HECTD4: variants seen among roughly 807,000 people sequenced by gnomAD.
HECTD4 encodes the protein probable E3 ubiquitin-protein ligase HECTD4.
A neutral mutation model predicts 471.5 loss-of-function variants in HECTD4; 114 were observed. The ratio of observed to expected loss-of-function variants is 0.24; its 90% CI spans 0.21 to 0.28. The LOEUF is 0.28. Ranked by LOEUF, HECTD4 falls within the 10% of genes least tolerant of loss-of-function variation. The pLI, the probability that HECTD4 is intolerant of heterozygous loss-of-function variation, is 1.00. For synonymous variants in HECTD4, 2,012 were observed against 2,256.0 expected, an observed-to-expected ratio of 0.89 and a Z score of 3.07; for missense variants, 3,866 against 5,651.5, an observed-to-expected ratio of 0.68 and a Z score of 10.13.
Position 112,256,376 on chromosome 12 carries a change from G to A in HECTD4, c.3271C>T (p.Arg1091Cys). Residue 1091 changes from arginine to cysteine, a missense_variant, in exon 21 of 76, where the codon CGC (arginine) becomes TGC (cysteine). Around this residue, in one of 16 missense-constraint regions of HECTD4, gnomAD observed 281 missense variants for 499.9 expected, o/e 0.56. Coordinates refer to ENST00000682272, the MANE Select transcript of HECTD4 (RefSeq NM_001388303.1). ...FKETVHIPGARCLYLRFDSRC... is the reference protein window; with the variant it reads ...FKETVHIPGACCLYLRFDSRC... Reference sequence around the variant, plus strand: ...CTATCAAATCTAAGGTACAGGCAGCGAGCTCCTGGGATATGGACCGTTTCT... The same window carrying A: ...CTATCAAATCTAAGGTACAGGCAGCAAGCTCCTGGGATATGGACCGTTTCT... 3 of 1,611,954 alleles carry A rather than the reference G, an allele frequency of 1.9e-6. No individual in the cohort carries two copies. The highest frequency in any genetic ancestry group is 1.7e-6 in the Non-Finnish European group (2 of 1,179,040).
At chr12:112,253,157 T>G (rs777578599) in intron 22 of HECTD4, among the ~76,000 whole-genome samples, 1 of 150,702 alleles carries the variant, frequency 6.6e-6, no homozygotes, top group Non-Finnish European at 1.5e-5. Context: ...TGGAGTTTCG[T>G]TCTGTCACCC....
intron 7 of HECTD4, among the ~76,000 whole-genome samples, chr12:112,297,518 T>A (rs1284044558): frequency 6.6e-6 from 1 of 151,936 alleles, no homozygotes; most frequent in African/African-American, 2.4e-5. Flanking sequence ...GAGCAGACAG[T>A]ATTTGCTGAC....
intron 67 of HECTD4, among the ~76,000 whole-genome samples, chr12:112,171,538 C>T (rs1415490009): frequency 6.6e-6 from 1 of 152,202 alleles, no homozygotes; most frequent in Admixed American, 6.5e-5. Context: ...CAGGGCTGTG[C>T]ACTACGTTAG....
At chr12:112,322,402 A>G (rs1237650304) in intron 1 of HECTD4, 1 of 152,716 alleles carries the variant, frequency 6.5e-6, no homozygotes, top group Non-Finnish European at 1.5e-5. Flanking sequence ...TGATGCAAGT[A>G]GAAAAACTTT....
intron 1 of HECTD4, among the ~76,000 whole-genome samples, chr12:112,378,870 C>T (rs537772082): frequency 2.6e-5 from 4 of 152,152 alleles, no homozygotes; most frequent in East Asian, 3.9e-4. Flanking sequence ...GGTGAAACCC[C>T]GTCTCTACTA....
chr12:112,359,045 G>A (rs1377063792), intron 1 of HECTD4, among the ~76,000 whole-genome samples: 4 of 152,036 alleles, frequency 2.6e-5, no homozygotes, highest in Non-Finnish European at 4.4e-5. Flanking sequence ...GTGTGGTGGC[G>A]GATGCCTGTA....
rs572269777 is a variant in HECTD4, at chr12:112,204,164, T to C, written c.8269+322A>G. Among the ~76,000 whole-genome samples, 3 of 152,354 alleles carry C rather than the reference T, an allele frequency of 2.0e-5. No individual in the cohort carries two copies. In the South Asian group the frequency reaches 6.2e-4, roughly 32 times the overall value. ...TTCAAGTGATTCTCCTGCCTCAGCCTCTAGAGTAGCTGGGATTACAGGCGT... is the reference window on the plus strand; with the variant it reads ...TTCAAGTGATTCTCCTGCCTCAGCCCCTAGAGTAGCTGGGATTACAGGCGT... On this transcript the variant is annotated intron_variant, in intron 53 of 75. Transcript: ENST00000682272.
intron 6 of HECTD4, among the ~76,000 whole-genome samples, chr12:112,306,576 T>A (rs1224209165): frequency 6.6e-6 from 1 of 152,234 alleles, no homozygotes; most frequent in Non-Finnish European, 1.5e-5. Context: ...AAACAAAGTT[T>A]TAGAGAAGCA....
chr12:112,343,023 A>C (rs1156566903), intron 1 of HECTD4, among the ~76,000 whole-genome samples: 3 of 152,168 alleles, frequency 2.0e-5, no homozygotes, highest in Admixed American at 6.5e-5. Context: ...AAATGAAACA[A>C]GTTTCCTTCT....
rs1156626575 is a variant in HECTD4 at position 112,173,673 on chromosome 12, C to A, written c.11595-812G>T. Among the ~76,000 whole-genome samples the A allele has an allele frequency of 6.6e-6, 1 of 151,954 alleles. No individual in the cohort carries two copies. Among genetic ancestry groups the A allele is most frequent in the East Asian group, 1.9e-4 (1 of 5,150 alleles). On this transcript the variant is annotated intron_variant, in intron 66 of 75. Coordinates refer to ENST00000682272, the MANE Select transcript of HECTD4 (RefSeq NM_001388303.1). The surrounding 1 kb of genome is among the most constrained non-coding windows in gnomAD (Gnocchi z 4.3). ...CCTCCCAAAGTGCTGCGATTACAGG[C>A]GTGAGCCAATGCGCCCGGCCAATTT...
chr12:112,354,045 G>GAAT (rs945755744), intron 1 of HECTD4, among the ~76,000 whole-genome samples: 14 of 151,760 alleles, frequency 9.2e-5, no homozygotes, highest in Non-Finnish European at 1.2e-4. Context: ...CTACCTCTAA[G>GAAT]AATAATAATA....
At chr12:112,195,157 C>A (rs913249252) in intron 55 of HECTD4, 91 bp from the exon 56 acceptor site, 4 of 1,156,760 alleles carry the variant, frequency 3.5e-6, no homozygotes, top group Non-Finnish European at 4.8e-6. Flanking sequence ...GGAAAAGGAT[C>A]CTGCCTCAGG....
Position 112,163,516 on chromosome 12 carries a change from G to A in HECTD4, c.12897+26C>T, listed in dbSNP as rs1022679472. ...CACGCCTGGGGCTCACCACCTCCCC[G>A]CCCAGCCTGGCCCTGGGATGTCTAC... On this transcript the variant is annotated intron_variant, in intron 74 of 75. Coordinates refer to ENST00000682272, the MANE Select transcript of HECTD4 (RefSeq NM_001388303.1). This position sits in a 1 kb window ranked among gnomAD's most constrained non-coding sequence, Gnocchi z 8.2. The A allele has an allele frequency of 6.2e-6, 9 of 1,447,092 alleles. No individual in the cohort carries two copies. In the East Asian group the frequency reaches 7.6e-5, roughly 12 times the overall value. The allele number at this position is 1,447,092 out of a possible 1,614,324, so 89.6% of individuals were successfully genotyped here.
At position 112,243,078 on chromosome 12, in the gene HECTD4, T is replaced by A. The variant is rs2033679014; in HGVS notation, c.4958+275A>T. Reference sequence around the variant, plus strand: ...ATTTACACACAAACACAGTTATGTGTACAAAAAGAATTATACAGCTGCTTA... The same window carrying A: ...ATTTACACACAAACACAGTTATGTGAACAAAAAGAATTATACAGCTGCTTA... On this transcript the variant is annotated intron_variant, in intron 32 of 75. Coordinates refer to ENST00000682272, the MANE Select transcript of HECTD4 (RefSeq NM_001388303.1). The surrounding 1 kb of genome is among the most constrained non-coding windows in gnomAD (Gnocchi z 6.6). Among the ~76,000 whole-genome samples the A allele has an allele frequency of 6.6e-6, 1 of 152,182 alleles. No individual in the cohort carries two copies. Among genetic ancestry groups the A allele is most frequent in the Admixed American group, 6.5e-5 (1 of 15,288 alleles).
At chr12:112,215,015 T>C (rs1419471045) in intron 48 of HECTD4, among the ~76,000 whole-genome samples, 2 of 152,094 alleles carry the variant, frequency 1.3e-5, no homozygotes, top group South Asian at 2.1e-4. Flanking sequence ...TAGCTGGGCA[T>C]GGTGGCAGGC....
intron 21 of HECTD4, among the ~76,000 whole-genome samples, chr12:112,255,144 T>C (rs2033979826): frequency 6.6e-6 from 1 of 152,226 alleles, no homozygotes; most frequent in Admixed American, 6.5e-5. Flanking sequence ...AGTTAGCGCA[T>C]ATTGGAAATG....
At chr12:112,369,495 C>T (rs1000905409) in intron 1 of HECTD4, among the ~76,000 whole-genome samples, 2 of 151,992 alleles carry the variant, frequency 1.3e-5, no homozygotes, top group African/African-American at 2.4e-5. Context: ...GCACCCACCA[C>T]CACGCCCAGC....
chr12:112,340,563 G>A (rs1016232061), intron 1 of HECTD4, among the ~76,000 whole-genome samples: 3 of 152,100 alleles, frequency 2.0e-5, no homozygotes, highest in African/African-American at 7.2e-5. Context: ...TAGAGACCAG[G>A]GATGCTGCTT....
rs2035681264 is a variant in HECTD4 at position 112,324,058 on chromosome 12, CTTT to C, written c.178-4319_178-4317del. On this transcript the variant is annotated intron_variant, in intron 1 of 75. Coordinates refer to ENST00000682272, the MANE Select transcript of HECTD4 (RefSeq NM_001388303.1). ...CCTTCCTTCCTTCCTTTCTTTCTTT[CTTT>C]CTTTCTTTCTTTCTTTCTTTCTTTC... Among the ~76,000 whole-genome samples the C allele has an allele frequency of 3.0e-5, 2 of 67,478 alleles. 1 individual carries two copies. The highest frequency in any genetic ancestry group is 2.2e-3 in the East Asian group (2 of 910). 44.3% of individuals were successfully genotyped at this position (67,478 alleles called of 152,430 possible).
Sources: allele counts gnomAD v4.1 joint callset (sites outside exome capture counted in the v4.1 genomes callset), GRCh38; gene constraint gnomAD v4.1.1; regional missense constraint gnomAD v4.1.1; non-coding constraint Gnocchi (gnomAD v3.1); transcripts MANE v1.5; gene names NCBI Gene and HGNC (gene_info 2026-07-23, HGNC 2026-07-21).